MROH1: variants seen among roughly 807,000 people sequenced by gnomAD.
MROH1 encodes maestro heat like repeat family member 1, also known as maestro heat-like repeat-containing protein family member 1.
In MROH1, 117 loss-of-function variants were observed where a neutral mutation model predicts 116.5. The ratio of observed to expected loss-of-function variants is 1.00; its 90% CI spans 0.86 to 1.17. The LOEUF (loss-of-function observed/expected upper bound fraction) is 1.17. MROH1 is among the 50% of genes most tolerant of loss of function. MROH1 has a pLI of 0.00. For missense variants in MROH1, 1,873 were observed against 1,338.5 expected (o/e 1.40, Z -6.23); for synonymous variants, 921 against 583.9 (o/e 1.58, Z -8.32).
chr8:144,255,862 G>A (rs1457763036), intron 35 of MROH1, among the ~76,000 whole-genome samples, 157 bp downstream of exon 35: 2 of 152,236 alleles, frequency 1.3e-5, no homozygotes, highest in Admixed American at 6.5e-5. Context: ...GTGCAGGGCT[G>A]AGCTGTCAGT....
chr8:144,153,285 C>T (rs1817296839), intron 1 of MROH1, among the ~76,000 whole-genome samples: 1 of 152,080 alleles, frequency 6.6e-6, no homozygotes, highest in Admixed American at 6.6e-5. Flanking sequence ...CAACCTCCGC[C>T]TCCTGGGTTC....
chr8:144,181,166 A>G (rs1219637035), intron 7 of MROH1, among the ~76,000 whole-genome samples: 1 of 151,896 alleles, frequency 6.6e-6, no homozygotes, highest in Admixed American at 6.5e-5. Context: ...CAGCCCTGGT[A>G]GCTGGCCGGG....
chr8:144,216,516 A>G (rs967750568), intron 12 of MROH1, among the ~76,000 whole-genome samples: 2 of 152,084 alleles, frequency 1.3e-5, no homozygotes, highest in Non-Finnish European at 2.9e-5. Context: ...TGTCTTTGCC[A>G]TCAGTACTCA....
At chr8:144,242,006 A>T (rs1018674585) in intron 22 of MROH1, among the ~76,000 whole-genome samples, 2 of 152,202 alleles carry the variant, frequency 1.3e-5, no homozygotes, top group African/African-American at 2.4e-5. Context: ...GTGCGGATGG[A>T]GGCTGATCTG....
In MROH1 at chr8:144,157,088, C is replaced by T. The variant is rs914492642; in HGVS notation, c.-176-3882C>T. On this transcript the variant is annotated intron_variant, in intron 1 of 43. Transcript: ENST00000326134. ...CTACTGCCTCAGCCTCCTGAGTAGC[C>T]GGGATTACAGGCGTGCGCCACCACG... Among the ~76,000 whole-genome samples the T allele has an allele frequency of 2.0e-4, 31 of 152,036 alleles. No individual in the cohort carries two copies. In the East Asian group the frequency reaches 2.5e-3, roughly 12 times the overall value.
chr8:144,210,603 C>T (rs1009582816), intron 12 of MROH1, among the ~76,000 whole-genome samples: 2 of 152,062 alleles, frequency 1.3e-5, no homozygotes, highest in African/African-American at 4.8e-5. Flanking sequence ...ACATGAGAAT[C>T]GCTTGAGCCC....
In MROH1 at chr8:144,261,790, G is replaced by T; in HGVS notation, c.*50G>T. On this transcript the variant is annotated 3_prime_UTR_variant, in exon 44 of 44. Coordinates refer to ENST00000326134, the MANE Select transcript of MROH1 (RefSeq NM_032450.3). The stretch of plus-strand genomic sequence containing the variant: ...GGAGTATGCACCCAGACCTGTGCCT[G>T]AGCTCCAAGACAGGGCCTCCTGAGG... The T allele has an allele frequency of 1.4e-6, 1 of 700,178 alleles. No homozygotes were observed. The highest frequency in any genetic ancestry group is 1.5e-5 in the South Asian group (1 of 67,490). 43.4% of individuals were successfully genotyped at this position (700,178 alleles called of 1,614,324 possible).
At chr8:144,161,116 C>A (rs1375811838) in intron 2 of MROH1, 27 bp downstream of exon 2, 1 of 152,624 alleles carries the variant, frequency 6.6e-6, no homozygotes, top group African/African-American at 2.4e-5. Context: ...CTTCAAATTT[C>A]TCCTCCCCGC....
rs1844533314 is a variant in MROH1 at position 144,259,365 on chromosome 8, C to G, written c.4044+11C>G. ...GCCTTCCTGGCCGAGGTAGGCCCTT[C>G]CAGGGACGGATGCTGGGCACCAAGG... On this transcript the variant is annotated intron_variant, in intron 37 of 43. Coordinates refer to ENST00000326134, the MANE Select transcript of MROH1 (RefSeq NM_032450.3). 4.2e-6 allele frequency: 3 copies of G among 714,866 alleles called. No homozygotes were observed. Among genetic ancestry groups the G allele is most frequent in the South Asian group, 3.0e-5 (2 of 67,512 alleles). 44.3% of individuals were successfully genotyped at this position (714,866 alleles called of 1,614,324 possible). A position where few individuals can be genotyped will look rare whatever the true frequency, so the allele number is the denominator to read the frequency against.
chr8:144,247,086 A>T (rs1842045411), intron 29 of MROH1, among the ~76,000 whole-genome samples: 1 of 100,888 alleles, frequency 9.9e-6, no homozygotes, highest in South Asian at 3.0e-4. Context: ...GGTGTAGACG[A>T]GGTGTGGTCA....
chr8:144,210,872 C>G (rs1191566367), intron 12 of MROH1, among the ~76,000 whole-genome samples: 3 of 152,088 alleles, frequency 2.0e-5, no homozygotes, highest in African/African-American at 7.2e-5. Flanking sequence ...CGTTTTTAAG[C>G]AAATGCTTCA....
At chr8:144,247,933 G>A (rs1024756364) in intron 31 of MROH1, among the ~76,000 whole-genome samples, 4 of 152,252 alleles carry the variant, frequency 2.6e-5, no homozygotes, top group Non-Finnish European at 5.9e-5. Context: ...CCTGGCAGAG[G>A]CCAAGGAGAG....
Position 144,163,412 on chromosome 8 carries a change from GGTGCCC to G in MROH1, c.-56-354_-56-349del, listed in dbSNP as rs955850428. The stretch of plus-strand genomic sequence containing the variant: ...ATGGCATGTGATGTGTGAAAGCTGT[GGTGCCC>G]GTGCTCAGTTCCTCACAGTGTGGAG... On this transcript the variant is annotated intron_variant, in intron 2 of 43. Coordinates refer to ENST00000326134, the MANE Select transcript of MROH1 (RefSeq NM_032450.3). The surrounding 1 kb of genome is among the most constrained non-coding windows in gnomAD (Gnocchi z 4.4). Among the ~76,000 whole-genome samples, 2 of 152,176 alleles carry G rather than the reference GGTGCCC, an allele frequency of 1.3e-5. No homozygotes were observed. The highest frequency in any genetic ancestry group is 2.4e-5 in the African/African-American group (1 of 41,434).
chr8:144,261,862 C>G lies in MROH1; in HGVS notation c.*122C>G, dbSNP rs932485552. ...TGGAGGGGCCTGGCCCCAGAACAGG[C>G]ACTGCTGGGGACCAAACCCAAGCCC... On this transcript the variant is annotated 3_prime_UTR_variant, in exon 44 of 44. Coordinates refer to ENST00000326134, the MANE Select transcript of MROH1 (RefSeq NM_032450.3). 6.5e-5 allele frequency: 45 copies of G among 689,660 alleles called. No individual in the cohort carries two copies. The highest frequency in any genetic ancestry group is 1.4e-4 in the South Asian group (9 of 65,736). The allele number at this position is 689,660 out of a possible 1,614,324, so 42.7% of individuals were successfully genotyped here. A position where few individuals can be genotyped will look rare whatever the true frequency, so the allele number is the denominator to read the frequency against.
At chr8:144,187,762 C>G (rs1827554386) in intron 7 of MROH1, among the ~76,000 whole-genome samples, 1 of 152,004 alleles carries the variant, frequency 6.6e-6, no homozygotes, top group African/African-American at 2.4e-5. Context: ...GCCAGTGGCC[C>G]CATGAAGGGG....
chr8:144,197,851 A>G (rs2092648194), intron 10 of MROH1, among the ~76,000 whole-genome samples: 1 of 150,202 alleles, frequency 6.7e-6, no homozygotes, highest in South Asian at 2.1e-4. Flanking sequence ...AGGCGGGCGG[A>G]TCACCTGAGG....
At position 144,190,767 on chromosome 8, in the gene MROH1, A is replaced by G; in HGVS notation, c.563-17A>G. 1 of 1,610,562 alleles carries G rather than the reference A, an allele frequency of 6.2e-7. No individual in the cohort carries two copies. Among genetic ancestry groups the G allele is most frequent in the East Asian group, 2.2e-5 (1 of 44,796 alleles). On this transcript the variant is annotated splice_polypyrimidine_tract_variant and intron_variant, in intron 7 of 43. Coordinates refer to ENST00000326134, the MANE Select transcript of MROH1 (RefSeq NM_032450.3). The stretch of plus-strand genomic sequence containing the variant: ...AACCCATGGCCTGCAGCCACTTACC[A>G]CTGGCCGGTTTTGTAGCTCTGCAGC...
In MROH1 at chr8:144,243,619, G is replaced by C; in HGVS notation, c.2475+3G>C. The C allele has an allele frequency of 1.3e-6, 1 of 779,102 alleles. No individual in the cohort carries two copies. The highest frequency in any genetic ancestry group is 2.4e-5 in the East Asian group (1 of 41,256). 48.3% of individuals were successfully genotyped at this position (779,102 alleles called of 1,614,324 possible). A position where few individuals can be genotyped will look rare whatever the true frequency, so the allele number is the denominator to read the frequency against. On this transcript the variant is annotated splice_donor_region_variant and intron_variant, in intron 25 of 43. Transcript: ENST00000326134. ...CAGAGCTGGTGGCACAGATGATGGT[G>C]AGCGTGGCCGTGGCCTGGCAGGTCC...
chr8:144,190,087 C>G (rs1828178316), intron 7 of MROH1, among the ~76,000 whole-genome samples: 1 of 152,222 alleles, frequency 6.6e-6, no homozygotes, highest in Non-Finnish European at 1.5e-5. Context: ...GCCATGGATT[C>G]TGGGTGTCCT....
Sources: allele counts gnomAD v4.1 joint callset (sites outside exome capture counted in the v4.1 genomes callset), GRCh38; gene constraint gnomAD v4.1.1; non-coding constraint Gnocchi (gnomAD v3.1); transcripts MANE v1.5; gene names NCBI Gene and HGNC (gene_info 2026-07-23, HGNC 2026-07-21).